Variants in RAPGEF4 observed in about 807,000 individuals in gnomAD.
RAPGEF4 encodes the protein Rap guanine nucleotide exchange factor 4, also known as RAP guanine-nucleotide-exchange factor (GEF) 4.
A neutral mutation model predicts 147.9 loss-of-function variants in RAPGEF4; 66 were observed. The ratio of observed to expected loss-of-function variants is 0.45; its 90% CI spans 0.37 to 0.55. The LOEUF (loss-of-function observed/expected upper bound fraction) is 0.55. Ranked by LOEUF, RAPGEF4 falls within the 20% of genes least tolerant of loss-of-function variation. The pLI, the probability that RAPGEF4 is intolerant of heterozygous loss-of-function variation, is 0.00. For missense variants in RAPGEF4, 1,071 were observed against 1,257.3 expected, an observed-to-expected ratio of 0.85 and a Z score of 2.24; for synonymous variants, 419 against 442.7, an observed-to-expected ratio of 0.95 and a Z score of 0.67.
rs7566526 is a variant in RAPGEF4 at position 172,899,855 on chromosome 2, G to A, written c.445-17947G>A. Reference sequence around the variant, plus strand: ...GCAAGGAGAAGGCAGGCTGTGGACCGCATGTAGGGCCGAGCTCCATCCCAG... The same window carrying A: ...GCAAGGAGAAGGCAGGCTGTGGACCACATGTAGGGCCGAGCTCCATCCCAG... On this transcript the variant is annotated intron_variant, in intron 4 of 30. Transcript: ENST00000397081. Among the ~76,000 whole-genome samples, 457 of 152,256 alleles carry A rather than the reference G, an allele frequency of 3.0e-3. 6 individuals are homozygous for A. The highest frequency in any genetic ancestry group is 0.01 in the African/African-American group (434 of 41,546).
intron 26 of RAPGEF4, among the ~76,000 whole-genome samples, chr2:173,032,092 G>C (rs1280917291): frequency 6.6e-6 from 1 of 152,094 alleles, no homozygotes; most frequent in Middle Eastern, 3.2e-3. Flanking sequence ...AAAACTGAGG[G>C]GGAAGATCAA....
intron 4 of RAPGEF4, among the ~76,000 whole-genome samples, chr2:172,868,640 C>G (rs1415387600): frequency 1.3e-5 from 2 of 152,308 alleles, no homozygotes; most frequent in South Asian, 2.1e-4. Context: ...CCTGACAGTA[C>G]TTATTAATTC....
rs898164681 is a variant in RAPGEF4, at chr2:172,735,848, C to T, written c.-136C>T. 63 of 650,260 alleles carry T rather than the reference C, an allele frequency of 9.7e-5. No homozygotes were observed. The African/African-American group carries it at 1.2e-3, about 12-fold the overall frequency. The allele number at this position is 650,260 out of a possible 1,614,324, so 40.3% of individuals were successfully genotyped here. On this transcript the variant is annotated 5_prime_UTR_variant, in exon 1 of 31. Transcript: ENST00000397081. ...CGCGGGAGCCCGCGGGGAGGGCGGG[C>T]CTGTCGCAGCCGCGCTGGTCGCCAG...
chr2:172,901,255 T>C (rs548023057), intron 4 of RAPGEF4, among the ~76,000 whole-genome samples: 1 of 152,374 alleles, frequency 6.6e-6, no homozygotes, highest in Admixed American at 6.5e-5. Context: ...CTGGGCACTC[T>C]ATTCCTCTGT....
chr2:172,965,119 A>G (rs1689690488), intron 8 of RAPGEF4: 1 of 169,780 alleles, frequency 5.9e-6, no homozygotes, highest in Non-Finnish European at 1.3e-5. Context: ...GGTGCCTTTC[A>G]TAGCACCTCT....
At chr2:172,785,976 CAGAT>C (rs971798438) in intron 1 of RAPGEF4, among the ~76,000 whole-genome samples, 3 of 152,120 alleles carry the variant, frequency 2.0e-5, no homozygotes, top group Non-Finnish European at 4.4e-5. Flanking sequence ...TATTGACTGT[CAGAT>C]AGCCAAGCAA....
intron 1 of RAPGEF4, among the ~76,000 whole-genome samples, chr2:172,749,431 C>T (rs562081888): frequency 5.3e-5 from 8 of 152,230 alleles, no homozygotes; most frequent in African/African-American, 1.9e-4. Flanking sequence ...GGCTTGCACC[C>T]TCTGAAGCTT....
At chr2:172,767,617 T>C (rs893347833) in intron 1 of RAPGEF4, among the ~76,000 whole-genome samples, 21 of 152,238 alleles carry the variant, frequency 1.4e-4, no homozygotes, top group Non-Finnish European at 2.8e-4. Context: ...AATAATTTTT[T>C]CTTTCTGCTT....
At chr2:172,857,083 A>T (rs1483146036) in intron 4 of RAPGEF4, among the ~76,000 whole-genome samples, 1 of 150,854 alleles carries the variant, frequency 6.6e-6, no homozygotes, top group Non-Finnish European at 1.5e-5. Flanking sequence ...TCTGTGGGAG[A>T]GCTGGCCTGA....
chr2:172,821,979 C>T (rs367716281), intron 4 of RAPGEF4: 15 of 1,612,852 alleles, frequency 9.3e-6, no homozygotes, highest in African/African-American at 6.7e-5. Context: ...TCTACAAGGT[C>T]AGAATGAATC....
At chr2:173,025,333 G>C (rs1696554630) in intron 23 of RAPGEF4, among the ~76,000 whole-genome samples, 1 of 152,246 alleles carries the variant, frequency 6.6e-6, no homozygotes, top group Admixed American at 6.5e-5. Context: ...GTGGGAGTTT[G>C]TAGAATACAG....
intron 29 of RAPGEF4, among the ~76,000 whole-genome samples, chr2:173,041,064 G>A (rs1444086691): frequency 2.0e-5 from 3 of 152,120 alleles, no homozygotes; most frequent in African/African-American, 4.8e-5. Flanking sequence ...TTTGGAATGA[G>A]AAGCATAGGG....
intron 1 of RAPGEF4, among the ~76,000 whole-genome samples, chr2:172,788,220 A>C (rs1247690417): frequency 6.6e-6 from 1 of 152,162 alleles, no homozygotes; most frequent in Non-Finnish European, 1.5e-5. Context: ...TTAACATATA[A>C]ATTTCGGGGA....
chr2:172,929,831 G>T (rs1685739009), intron 6 of RAPGEF4, among the ~76,000 whole-genome samples: 1 of 152,134 alleles, frequency 6.6e-6, no homozygotes, highest in Admixed American at 6.5e-5. Flanking sequence ...CAGGGATTTA[G>T]GAGCTCTTAG....
At chr2:172,868,102 C>G (rs966097135) in intron 4 of RAPGEF4, among the ~76,000 whole-genome samples, 2 of 152,164 alleles carry the variant, frequency 1.3e-5, no homozygotes, top group Non-Finnish European at 2.9e-5. Context: ...TTGCTGGACT[C>G]TTATCATCCA....
At position 172,995,291 on chromosome 2, in the gene RAPGEF4, T is replaced by TG. The variant is rs1559171296; in HGVS notation, c.1491-1175_1491-1174insG. ...TGTGTGTGTGTGTGTGTGTGTGTGTTTGTATTTTGAGATGGAGTCTTGCTG... is the reference window on the plus strand; with the variant it reads ...TGTGTGTGTGTGTGTGTGTGTGTGTTGTGTATTTTGAGATGGAGTCTTGCTG... On this transcript the variant is annotated intron_variant, in intron 15 of 30. Coordinates refer to ENST00000397081, the MANE Select transcript of RAPGEF4 (RefSeq NM_007023.4). 3.9e-3 allele frequency among the ~76,000 whole-genome samples: 536 copies of TG among 138,810 alleles called. 3 individuals carry two copies. The highest frequency in any genetic ancestry group is 0.014 in the African/African-American group (497 of 34,686). 91.1% of individuals were successfully genotyped at this position (138,810 alleles called of 152,430 possible).
intron 4 of RAPGEF4, among the ~76,000 whole-genome samples, chr2:172,843,167 G>T (rs1228011897): frequency 2.0e-5 from 3 of 152,180 alleles, no homozygotes; most frequent in African/African-American, 7.2e-5. Context: ...ATAAGGCCTT[G>T]CATGGAGTAC....
At chr2:173,039,749 A>G (rs914845735) in intron 29 of RAPGEF4, among the ~76,000 whole-genome samples, 1 of 152,238 alleles carries the variant, frequency 6.6e-6, no homozygotes, top group African/African-American at 2.4e-5. Flanking sequence ...AAGTATTCAT[A>G]TATCCCACTG....
intron 30 of RAPGEF4, among the ~76,000 whole-genome samples, chr2:173,050,391 G>C (rs1465018183): frequency 1.2e-5 from 1 of 83,224 alleles, no homozygotes; most frequent in East Asian, 1.3e-3. Context: ...CTTCTCACAG[G>C]GGGCAGGGGC....
Sources: gnomAD v4.1 joint callset for allele counts (sites outside exome capture counted in the v4.1 genomes callset) on GRCh38, gnomAD v4.1.1 for gene constraint, MANE v1.5 for transcripts, NCBI Gene and HGNC (gene_info 2026-07-23, HGNC 2026-07-21) for gene names.